Variants in PRKAR2A observed in about 807,000 individuals in gnomAD.
PRKAR2A encodes the protein cAMP-dependent protein kinase type II-alpha regulatory subunit.
In PRKAR2A, 29 loss-of-function variants were observed where a neutral mutation model predicts 51.9. That is an observed-to-expected ratio of 0.56 (90% CI 0.42 to 0.76). The LOEUF (loss-of-function observed/expected upper bound fraction) is 0.76. Among genes scored for constraint, PRKAR2A ranks in the 30% least tolerant of loss-of-function variants. PRKAR2A has a pLI of 0.00. For missense variants in PRKAR2A, 445 were observed against 512.1 expected (o/e 0.87, Z 1.26); for synonymous variants, 178 against 186.2 (o/e 0.96, Z 0.36).
At chr3:48,787,867 C>T (rs954551623) in intron 4 of PRKAR2A, among the ~76,000 whole-genome samples, 1 of 152,172 alleles carries the variant, frequency 6.6e-6, no homozygotes, top group African/African-American at 2.4e-5. Flanking sequence ...GCCCAGATTC[C>T]TAAGGAGGGC....
At position 48,772,893 on chromosome 3, in the gene PRKAR2A, A is replaced by G. The variant is rs113778620; in HGVS notation, c.696+62T>C. Reference sequence around the variant, plus strand: ...TATAGTGTAAATCAACAGCCCAAGGACAGAGACACAGAAAGGGAATTAATA... The same window carrying G: ...TATAGTGTAAATCAACAGCCCAAGGGCAGAGACACAGAAAGGGAATTAATA... On this transcript the variant is annotated intron_variant, in intron 6 of 10. Coordinates refer to ENST00000265563, the MANE Select transcript of PRKAR2A (RefSeq NM_004157.4). 1.2e-4 allele frequency: 182 copies of G among 1,514,624 alleles called. No individual in the cohort carries two copies. In the African/African-American group the frequency reaches 2.1e-3, roughly 17 times the overall value. 93.8% of individuals were successfully genotyped at this position (1,514,624 alleles called of 1,614,324 possible).
At chr3:48,767,436 G>T (rs1341614561) in intron 6 of PRKAR2A, among the ~76,000 whole-genome samples, 1 of 149,688 alleles carries the variant, frequency 6.7e-6, no homozygotes, top group African/African-American at 2.5e-5. Flanking sequence ...CCGAGATCAT[G>T]CCACTGCACT....
intron 5 of PRKAR2A, among the ~76,000 whole-genome samples, chr3:48,775,197 G>C (rs183983349): frequency 2.9e-4 from 44 of 152,124 alleles, no homozygotes; most frequent in African/African-American, 9.6e-4. Context: ...CCAGCGCTTT[G>C]GGAGGCCAAG....
chr3:48,810,590 G>A (rs369880703), intron 1 of PRKAR2A, among the ~76,000 whole-genome samples: 20 of 151,402 alleles, frequency 1.3e-4, no homozygotes, highest in East Asian at 7.8e-4. Flanking sequence ...CAGCCTGGGC[G>A]ACAGAGTAAA....
chr3:48,829,064 G>A (rs911139817), intron 1 of PRKAR2A, among the ~76,000 whole-genome samples: 1 of 151,704 alleles, frequency 6.6e-6, no homozygotes, highest in East Asian at 2.0e-4. Flanking sequence ...TCGAACTTCT[G>A]ACCACAAGTG....
chr3:48,798,717 G>C (rs1253426385), intron 2 of PRKAR2A, among the ~76,000 whole-genome samples: 1 of 147,494 alleles, frequency 6.8e-6, no homozygotes, highest in East Asian at 2.0e-4. Flanking sequence ...CTGGTATGCA[G>C]TGGCACAATC....
chr3:48,761,814 C>T (rs896856870), intron 8 of PRKAR2A, among the ~76,000 whole-genome samples: 1 of 152,218 alleles, frequency 6.6e-6, no homozygotes, highest in South Asian at 2.1e-4. Flanking sequence ...GACGAGGTTT[C>T]GCCATGTTGG....
chr3:48,798,575 T>TA (rs979906526), intron 2 of PRKAR2A, among the ~76,000 whole-genome samples: 5 of 150,862 alleles, frequency 3.3e-5, no homozygotes, highest in East Asian at 1.9e-4. Flanking sequence ...AATAATACAT[T>TA]AAAAAAAAAC....
chr3:48,760,602 C>T (rs976402021), intron 8 of PRKAR2A, among the ~76,000 whole-genome samples: 133 of 142,260 alleles, frequency 9.3e-4, no homozygotes, highest in Non-Finnish European at 2.9e-4. Flanking sequence ...CTGAGGTGGG[C>T]GGATCACCTG....
At chr3:48,833,863 C>T (rs1407459629) in intron 1 of PRKAR2A, among the ~76,000 whole-genome samples, 1 of 151,634 alleles carries the variant, frequency 6.6e-6, no homozygotes, top group East Asian at 1.9e-4. Flanking sequence ...TGGTGAAACC[C>T]CTTCTCTACT....
intron 1 of PRKAR2A, among the ~76,000 whole-genome samples, chr3:48,830,326 G>A (rs766752767): frequency 3.3e-5 from 5 of 151,966 alleles, no homozygotes; most frequent in African/African-American, 4.8e-5. Flanking sequence ...TCTACATCTT[G>A]TACCACTGGA....
rs2081597058 is a variant in PRKAR2A, at chr3:48,748,539, G to A, written c.*3046C>T. 6.6e-6 allele frequency: 1 copy of A among 152,304 alleles called. No homozygotes were observed. Among genetic ancestry groups the A allele is most frequent in the African/African-American group, 2.4e-5 (1 of 41,442 alleles). 9.4% of individuals were successfully genotyped at this position (152,304 alleles called of 1,614,324 possible). A position where few individuals can be genotyped will look rare whatever the true frequency, so the allele number is the denominator to read the frequency against. ...GTGAAGGCAAAGACTAGACTGGGATGTGTGCGAGAGTGGGATAAGAAGGCC... is the reference window on the plus strand; with the variant it reads ...GTGAAGGCAAAGACTAGACTGGGATATGTGCGAGAGTGGGATAAGAAGGCC... On this transcript the variant is annotated 3_prime_UTR_variant, in exon 11 of 11. Coordinates refer to ENST00000265563, the MANE Select transcript of PRKAR2A (RefSeq NM_004157.4).
Position 48,838,544 on chromosome 3 carries a change from T to C in PRKAR2A, c.262+8791A>G, listed in dbSNP as rs183080192. On this transcript the variant is annotated intron_variant, in intron 1 of 10. Transcript: ENST00000265563. ...ATTGCTTGAACCCAGGAGGGAGAGA[T>C]TGTAGTGAGCTGAGATCTCACCACT... Among the ~76,000 whole-genome samples, 126 of 151,216 alleles carry C rather than the reference T, an allele frequency of 8.3e-4. 1 individual carries two copies. Among genetic ancestry groups the C allele is most frequent in the African/African-American group, 2.8e-3 (115 of 41,164 alleles).
chr3:48,840,567 C>CTTTTT (rs760883553), intron 1 of PRKAR2A, among the ~76,000 whole-genome samples: 3 of 69,468 alleles, frequency 4.3e-5, no homozygotes, highest in African/African-American at 1.0e-4. Flanking sequence ...TTGTTTTCAC[C>CTTTTT]TTTTTTTTTT....
At chr3:48,784,714 A>C (rs554443052) in intron 4 of PRKAR2A, among the ~76,000 whole-genome samples, 1 of 152,330 alleles carries the variant, frequency 6.6e-6, no homozygotes, top group African/African-American at 2.4e-5. Flanking sequence ...AACCAAATGA[A>C]ATACAGTAAG....
chr3:48,828,465 C>T (rs990873397), intron 1 of PRKAR2A, among the ~76,000 whole-genome samples: 5 of 151,968 alleles, frequency 3.3e-5, no homozygotes, highest in Admixed American at 2.6e-4. Context: ...CACTTGTAAT[C>T]CAAGTACTTT....
At chr3:48,791,202 G>A (rs1302650647) in intron 3 of PRKAR2A, among the ~76,000 whole-genome samples, 4 of 142,880 alleles carry the variant, frequency 2.8e-5, no homozygotes, top group South Asian at 2.3e-4. Context: ...TAGGAGAATC[G>A]CTTGAACCAT....
chr3:48,807,578 T>A (rs2082692493), intron 2 of PRKAR2A, 71 bp downstream of exon 2: 1 of 1,207,320 alleles, frequency 8.3e-7, no homozygotes, highest in Non-Finnish European at 1.2e-6. Context: ...TTATTCAAAA[T>A]ATCTGTTTTT....
At chr3:48,803,753 A>G (rs1319127563) in intron 2 of PRKAR2A, among the ~76,000 whole-genome samples, 3 of 152,258 alleles carry the variant, frequency 2.0e-5, no homozygotes, top group Non-Finnish European at 2.9e-5. Flanking sequence ...GGCCAGGCGC[A>G]GTGGCTTACG....
Sources: gnomAD v4.1 joint callset for allele counts (sites outside exome capture counted in the v4.1 genomes callset) on GRCh38, gnomAD v4.1.1 for gene constraint, MANE v1.5 for transcripts, NCBI Gene and HGNC (gene_info 2026-07-23, HGNC 2026-07-21) for gene names.